The following INPP5A variants were observed in gnomAD, a reference collection of about 807,000 sequenced individuals.
INPP5A encodes the protein 43 kDa inositol polyphosphate 5-phophatase.
In INPP5A, 14 loss-of-function variants were observed where a neutral mutation model predicts 65.2. The observed-to-expected ratio is 0.21, with a 90% CI of 0.14 to 0.34. The LOEUF is 0.34. INPP5A is among the 10% of genes least tolerant of loss of function. The pLI, the probability that INPP5A is intolerant of heterozygous loss-of-function variation, is 1.00. For synonymous variants in INPP5A, 207 were observed against 208.3 expected, an observed-to-expected ratio of 0.99 and a Z score of 0.05; for missense variants, 431 against 545.6, an observed-to-expected ratio of 0.79 and a Z score of 2.09.
chr10:132,715,809 G>A (rs948613687), intron 8 of INPP5A, among the ~76,000 whole-genome samples: 2 of 152,200 alleles, frequency 1.3e-5, no homozygotes, highest in African/African-American at 4.8e-5. Flanking sequence ...GCTGGTCGTG[G>A]GCTCGTCCCA....
In INPP5A at chr10:132,775,338, C is replaced by G. The variant is rs535864399; in HGVS notation, c.978-2333C>G. ...GCCCCTGTCCTGTGTGCCTCCCCCC[C>G]CACCCAGCAGGTATGCTTTCAGATA... is the stretch of plus-strand genomic sequence containing the variant. On this transcript the variant is annotated intron_variant, in intron 12 of 15. Coordinates refer to ENST00000368594, the MANE Select transcript of INPP5A (RefSeq NM_005539.5). 1.8e-3 allele frequency among the ~76,000 whole-genome samples: 277 copies of G among 152,108 alleles called. 3 individuals are homozygous for G. The highest frequency in any genetic ancestry group is 5.9e-3 in the African/African-American group (246 of 41,464).
At chr10:132,757,564 G>T (rs1371579719) in intron 11 of INPP5A, among the ~76,000 whole-genome samples, 2 of 152,238 alleles carry the variant, frequency 1.3e-5, no homozygotes, top group South Asian at 2.1e-4. Flanking sequence ...TCGCCTAAGG[G>T]TGCGTTTCTC....
chr10:132,741,778 C>T lies in INPP5A; in HGVS notation c.733-7739C>T, dbSNP rs201969431. Among the ~76,000 whole-genome samples the T allele has an allele frequency of 1.4e-3, 41 of 29,046 alleles. 3 individuals are homozygous for T. The highest frequency in any genetic ancestry group is 6.2e-3 in the South Asian group (4 of 642). The allele number at this position is 29,046 out of a possible 152,430, so 19.1% of individuals were successfully genotyped here. A position where few individuals can be genotyped will look rare whatever the true frequency, so the allele number is the denominator to read the frequency against. On this transcript the variant is annotated intron_variant, in intron 9 of 15. Transcript: ENST00000368594. This position sits in a 1 kb window ranked among gnomAD's most constrained non-coding sequence, Gnocchi z 4.4. The stretch of plus-strand genomic sequence containing the variant: ...AAACTGAGGTGGACGTCAGTGTCCG[C>T]GTCCGCTTGCTTTACTCAATAGCCG...
intron 2 of INPP5A, among the ~76,000 whole-genome samples, chr10:132,608,403 AC>A (rs1283504113): frequency 6.6e-6 from 1 of 152,168 alleles, no homozygotes; most frequent in Non-Finnish European, 1.5e-5. Context: ...TCGGGCTGGC[AC>A]TGCCAGGCCG....
At chr10:132,726,614 A>G (rs1290958647) in intron 8 of INPP5A, among the ~76,000 whole-genome samples, 1 of 152,088 alleles carries the variant, frequency 6.6e-6, no homozygotes, top group Non-Finnish European at 1.5e-5. Context: ...CGTGTTGCCA[A>G]GGGCTGAGCA....
intron 4 of INPP5A, among the ~76,000 whole-genome samples, chr10:132,685,460 G>T (rs568994311): frequency 6.6e-6 from 1 of 152,394 alleles, no homozygotes; most frequent in Non-Finnish European, 1.5e-5. Context: ...TTAGCGCGGG[G>T]TCTGTGTGAC....
rs182602490 is a variant in INPP5A at position 132,746,811 on chromosome 10, C to T, written c.733-2706C>T. Among the ~76,000 whole-genome samples the T allele has an allele frequency of 1.2e-4, 19 of 152,348 alleles. No homozygotes were observed. The East Asian group carries it at 3.3e-3, about 26-fold the overall frequency. On this transcript the variant is annotated intron_variant, in intron 9 of 15. Coordinates refer to ENST00000368594, the MANE Select transcript of INPP5A (RefSeq NM_005539.5). ...GAGAAGAATCCCTTCCCAAAGTAGG[C>T]GAGCCGGAAAGGCCCAGCCTGGCCA...
intron 2 of INPP5A, among the ~76,000 whole-genome samples, chr10:132,643,383 C>T (rs1023814430): frequency 3.3e-5 from 5 of 152,234 alleles, no homozygotes; most frequent in Non-Finnish European, 7.4e-5. Context: ...CACCTGTAGT[C>T]CCAGCACTTT....
At chr10:132,763,303 C>G (rs1002195112) in intron 11 of INPP5A, among the ~76,000 whole-genome samples, 1 of 152,228 alleles carries the variant, frequency 6.6e-6, no homozygotes, top group Non-Finnish European at 1.5e-5. Context: ...CCGCATGGCA[C>G]CTAGCGCTGG....
rs763081781 is a variant in INPP5A, at chr10:132,688,956, ATGT to A, written c.307-1432_307-1430del. Among the ~76,000 whole-genome samples, 9 of 151,380 alleles carry A rather than the reference ATGT, an allele frequency of 5.9e-5. No individual in the cohort carries two copies. The East Asian group carries it at 9.7e-4, about 16-fold the overall frequency. On this transcript the variant is annotated intron_variant, in intron 4 of 15. Coordinates refer to ENST00000368594, the MANE Select transcript of INPP5A (RefSeq NM_005539.5). ...CATGTTAGTGCCTGTGAGCAAATGCATGTTGTGTGTGCATGAGTGTATGTGTGC... is the reference window on the plus strand; with the variant it reads ...CATGTTAGTGCCTGTGAGCAAATGCATGTGTGTGCATGAGTGTATGTGTGC...
In INPP5A at chr10:132,697,927, GC is replaced by G; in HGVS notation, c.474+9del. 6.3e-7 allele frequency: 1 copy of G among 1,585,900 alleles called. No homozygotes were observed. On this transcript the variant is annotated intron_variant, in intron 6 of 15. Transcript: ENST00000368594. This position sits in a 1 kb window ranked among gnomAD's most constrained non-coding sequence, Gnocchi z 5.6. ...CAGGACTACTTCCCCGAGGTACGTAGCGAGGCTTTCTCACTGACGTGTTTAC... is the reference window on the plus strand; with the variant it reads ...CAGGACTACTTCCCCGAGGTACGTAGGAGGCTTTCTCACTGACGTGTTTAC...
chr10:132,571,151 G>C (rs2071336713), intron 1 of INPP5A, among the ~76,000 whole-genome samples: 1 of 152,264 alleles, frequency 6.6e-6, no homozygotes, highest in Non-Finnish European at 1.5e-5. Flanking sequence ...CACCTTCCCT[G>C]GCCCTGACAG....
chr10:132,748,877 C>T (rs371929075), intron 9 of INPP5A, among the ~76,000 whole-genome samples: 22 of 152,236 alleles, frequency 1.4e-4, no homozygotes, highest in Non-Finnish European at 2.8e-4. Context: ...TCCTCCTGGT[C>T]GGTGTGATCG....
At position 132,737,525 on chromosome 10, in the gene INPP5A, G is replaced by A. The variant is rs1846199593; in HGVS notation, c.732+10620G>A. The stretch of plus-strand genomic sequence containing the variant: ...GACCCAGTGTGTAGACAGACCTTGT[G>A]CAGACCCAGTGGGGCACTGCCCTCG... On this transcript the variant is annotated intron_variant, in intron 9 of 15. Coordinates refer to ENST00000368594, the MANE Select transcript of INPP5A (RefSeq NM_005539.5). Among the ~76,000 whole-genome samples the A allele has an allele frequency of 2.0e-5, 3 of 152,234 alleles. No homozygotes were observed. The South Asian group carries it at 6.2e-4, about 32-fold the overall frequency.
rs1376284728 is a variant in INPP5A at position 132,549,980 on chromosome 10, G to A, written c.75+11809G>A. ...GGCATTAGGGGATGGGGTCAGCCTC[G>A]AGTTACTAACCGGGCATTAGGGGAT... On this transcript the variant is annotated intron_variant, in intron 1 of 15. Coordinates refer to ENST00000368594, the MANE Select transcript of INPP5A (RefSeq NM_005539.5). This position sits in a 1 kb window ranked among gnomAD's most constrained non-coding sequence, Gnocchi z 4.9. 2.3e-4 allele frequency among the ~76,000 whole-genome samples: 5 copies of A among 22,206 alleles called. No homozygotes were observed. Among genetic ancestry groups the A allele is most frequent in the Admixed American group, 7.3e-4 (2 of 2,754 alleles). 14.6% of individuals were successfully genotyped at this position (22,206 alleles called of 152,430 possible).
Position 132,627,909 on chromosome 10 carries a change from G to C in INPP5A, c.118-17959G>C, listed in dbSNP as rs779792104. ...GTGCCCAGGCTGGAGTGGCGGCGTCGGGTGTGGAGAGAAACTGGAGATAAG... is the reference window on the plus strand; with the variant it reads ...GTGCCCAGGCTGGAGTGGCGGCGTCCGGTGTGGAGAGAAACTGGAGATAAG... On this transcript the variant is annotated intron_variant, in intron 2 of 15. Coordinates refer to ENST00000368594, the MANE Select transcript of INPP5A (RefSeq NM_005539.5). The surrounding 1 kb of genome is among the most constrained non-coding windows in gnomAD (Gnocchi z 6.6). Among the ~76,000 whole-genome samples the C allele has an allele frequency of 2.6e-5, 4 of 152,130 alleles. No individual in the cohort carries two copies. Among genetic ancestry groups the C allele is most frequent in the Non-Finnish European group, 5.9e-5 (4 of 68,026 alleles).
chr10:132,728,910 C>T (rs1011186588), intron 9 of INPP5A, among the ~76,000 whole-genome samples: 3 of 152,146 alleles, frequency 2.0e-5, no homozygotes, highest in African/African-American at 7.2e-5. Flanking sequence ...AGTGGGAAGC[C>T]TGGGCTCCGG....
rs1426739207 is a variant in INPP5A at position 132,550,448 on chromosome 10, C to T, written c.75+12277C>T. Among the ~76,000 whole-genome samples, 1 of 152,198 alleles carries T rather than the reference C, an allele frequency of 6.6e-6. No homozygotes were observed. The highest frequency in any genetic ancestry group is 6.5e-5 in the Admixed American group (1 of 15,288). On this transcript the variant is annotated intron_variant, in intron 1 of 15. Transcript: ENST00000368594. This position sits in a 1 kb window ranked among gnomAD's most constrained non-coding sequence, Gnocchi z 4.2. The stretch of plus-strand genomic sequence containing the variant: ...CTAGTGCCACCTGTGACACTGCTGT[C>T]ACTCCAAGGTGCACCTCACCACACC...
Position 132,710,500 on chromosome 10 carries a change from G to A in INPP5A, c.647+44G>A, listed in dbSNP as rs111783509. The A allele has an allele frequency of 6.8e-3, 10,888 of 1,597,116 alleles. 559 individuals are homozygous for A. The African/African-American group carries it at 0.12, about 17-fold the overall frequency. The stretch of plus-strand genomic sequence containing the variant: ...GTAGGCGTGGGCCGGGCAAGTAGGT[G>A]TGCTGGGCAGGCAGGTGTGAGTGGA... On this transcript the variant is annotated intron_variant, in intron 8 of 15. Transcript: ENST00000368594.
Sources: allele counts gnomAD v4.1 joint callset (sites outside exome capture counted in the v4.1 genomes callset), GRCh38; gene constraint gnomAD v4.1.1; non-coding constraint Gnocchi (gnomAD v3.1); transcripts MANE v1.5; gene names NCBI Gene and HGNC (gene_info 2026-07-23, HGNC 2026-07-21).